Variants in SLC10A7 observed in about 807,000 individuals in gnomAD.
SLC10A7 encodes the protein sodium/bile acid cotransporter 7.
A neutral mutation model predicts 43.2 loss-of-function variants in SLC10A7; 29 were observed. That is an observed-to-expected ratio of 0.67 (90% CI 0.50 to 0.92). The LOEUF is 0.92. Ranked by LOEUF, SLC10A7 falls within the 40% of genes least tolerant of loss-of-function variation. The pLI is 0.00. For synonymous variants in SLC10A7, 152 were observed against 144.8 expected, an observed-to-expected ratio of 1.05 and a Z score of -0.35; for missense variants, 295 against 403.2, an observed-to-expected ratio of 0.73 and a Z score of 2.30.
intron 5 of SLC10A7, among the ~76,000 whole-genome samples, chr4:146,340,339 A>G (rs1364717550): frequency 6.6e-6 from 1 of 151,946 alleles, no homozygotes; most frequent in African/African-American, 2.4e-5. Flanking sequence ...AAAAAGTTCA[A>G]CAACTAATAG....
intron 9 of SLC10A7, among the ~76,000 whole-genome samples, chr4:146,284,969 TAG>T (rs1729794935): frequency 6.6e-6 from 1 of 152,134 alleles, no homozygotes; most frequent in Non-Finnish European, 1.5e-5. Flanking sequence ...GAGATGATGA[TAG>T]AGCACAAATA....
chr4:146,481,692 C>T (rs992673421), intron 4 of SLC10A7, among the ~76,000 whole-genome samples: 1 of 152,136 alleles, frequency 6.6e-6, no homozygotes, highest in African/African-American at 2.4e-5. Flanking sequence ...AGCAACGGAC[C>T]CCAGCCTAGT....
At chr4:146,418,122 C>T (rs2149843012) in intron 5 of SLC10A7, among the ~76,000 whole-genome samples, 1 of 152,228 alleles carries the variant, frequency 6.6e-6, no homozygotes, top group Non-Finnish European at 1.5e-5. Flanking sequence ...AATGATGCTC[C>T]AGGGACTGTC....
intron 4 of SLC10A7, among the ~76,000 whole-genome samples, chr4:146,492,062 C>CA (rs994812257): frequency 2.0e-5 from 3 of 151,088 alleles, no homozygotes; most frequent in African/African-American, 4.9e-5. Flanking sequence ...CTAAAAATAC[C>CA]AAAAAAAATT....
chr4:146,472,622 T>C (rs1733674158), intron 4 of SLC10A7, among the ~76,000 whole-genome samples: 3 of 152,044 alleles, frequency 2.0e-5, no homozygotes, highest in Non-Finnish European at 2.9e-5. Context: ...GCAGACAGCA[T>C]ATTAGGTAGG....
chr4:146,326,917 GACACACAC>G (rs71640636), intron 5 of SLC10A7, among the ~76,000 whole-genome samples: 81,281 of 147,384 alleles, frequency 0.55, 22,805 homozygotes, highest in East Asian at 0.74. Context: ...GAGAGGGACA[GACACACAC>G]ACACACACAC....
chr4:146,358,992 C>T (rs1735855778), intron 5 of SLC10A7, among the ~76,000 whole-genome samples: 1 of 152,118 alleles, frequency 6.6e-6, no homozygotes, highest in Non-Finnish European at 1.5e-5. Flanking sequence ...TTCACTCCTA[C>T]CAGCAATGTA....
At chr4:146,310,651 C>T (rs972544698) in intron 6 of SLC10A7, among the ~76,000 whole-genome samples, 1 of 151,970 alleles carries the variant, frequency 6.6e-6, no homozygotes, top group East Asian at 1.9e-4. Flanking sequence ...GCTTTGAATG[C>T]TTACTGCATG....
At chr4:146,380,193 T>A (rs1737511833) in intron 5 of SLC10A7, among the ~76,000 whole-genome samples, 1 of 152,096 alleles carries the variant, frequency 6.6e-6, no homozygotes, top group Non-Finnish European at 1.5e-5. Flanking sequence ...TGGATCAATC[T>A]ACAACCCTAT....
At chr4:146,348,557 T>C (rs1238946960) in intron 5 of SLC10A7, among the ~76,000 whole-genome samples, 3 of 152,214 alleles carry the variant, frequency 2.0e-5, no homozygotes, top group Non-Finnish European at 4.4e-5. Context: ...AATGACTTTA[T>C]TACCTTTCCT....
chr4:146,518,227 A>G (rs1258185053), intron 1 of SLC10A7, among the ~76,000 whole-genome samples: 2 of 152,260 alleles, frequency 1.3e-5, no homozygotes, highest in Non-Finnish European at 2.9e-5. Flanking sequence ...AGTCCTGAGA[A>G]AATGACATTT....
intron 9 of SLC10A7, among the ~76,000 whole-genome samples, chr4:146,285,192 G>A (rs781533877): frequency 4.6e-5 from 7 of 152,126 alleles, no homozygotes; most frequent in African/African-American, 1.4e-4. Flanking sequence ...AAGGGGAACT[G>A]CTGAAGGAGT....
intron 7 of SLC10A7, among the ~76,000 whole-genome samples, chr4:146,301,850 T>A (rs1731181311): frequency 6.6e-6 from 1 of 151,940 alleles, no homozygotes; most frequent in South Asian, 2.1e-4. Context: ...CATATAGGTT[T>A]CTCCTCGAAA....
intron 4 of SLC10A7, among the ~76,000 whole-genome samples, chr4:146,456,423 A>T (rs180701634): frequency 1.3e-5 from 2 of 152,022 alleles, no homozygotes; most frequent in East Asian, 3.9e-4. Flanking sequence ...TCAGTCCCCC[A>T]CAGAATTGCC....
At position 146,521,154 on chromosome 4, in the gene SLC10A7, G is replaced by C. The variant is rs75040117; in HGVS notation, c.100+464C>G. Among the ~76,000 whole-genome samples, 135 of 152,044 alleles carry C rather than the reference G, an allele frequency of 8.9e-4. 2 individuals carry two copies. In the South Asian group the frequency reaches 0.014, roughly 16 times the overall value. On this transcript the variant is annotated intron_variant, in intron 1 of 11. Transcript: ENST00000335472. ...GCAAATCATCACTCTCCAACATGTGGGCCATAAAATCTGAGTTGGGGGCGG... is the reference window on the plus strand; with the variant it reads ...GCAAATCATCACTCTCCAACATGTGCGCCATAAAATCTGAGTTGGGGGCGG...
intron 4 of SLC10A7, among the ~76,000 whole-genome samples, chr4:146,493,443 G>A (rs1020462983): frequency 2.0e-5 from 3 of 150,912 alleles, no homozygotes; most frequent in Admixed American, 6.6e-5. Context: ...CTGAGACTGC[G>A]CCATTGCACT....
At chr4:146,303,459 C>A (rs372792462) in intron 7 of SLC10A7, among the ~76,000 whole-genome samples, 1 of 150,792 alleles carries the variant, frequency 6.6e-6, no homozygotes, top group African/African-American at 2.4e-5. Flanking sequence ...CTCACTGCAA[C>A]CTCCGCCTCC....
intron 5 of SLC10A7, among the ~76,000 whole-genome samples, chr4:146,331,303 A>C (rs1011835372): frequency 1.3e-5 from 2 of 152,200 alleles, no homozygotes; most frequent in African/African-American, 4.8e-5. Flanking sequence ...CAGCCAATCC[A>C]AGGTTTACTT....
At chr4:146,350,544 C>G (rs1190377723) in intron 5 of SLC10A7, among the ~76,000 whole-genome samples, 2 of 145,034 alleles carry the variant, frequency 1.4e-5, no homozygotes, top group Non-Finnish European at 3.0e-5. Flanking sequence ...CTCAAGGAGG[C>G]CTGCCTGCTT....
Sources: allele counts gnomAD v4.1 joint callset (sites outside exome capture counted in the v4.1 genomes callset), GRCh38; gene constraint gnomAD v4.1.1; transcripts MANE v1.5; gene names NCBI Gene and HGNC (gene_info 2026-07-23, HGNC 2026-07-21).